Variants in SDK2 observed in about 807,000 individuals in gnomAD.
SDK2 encodes the protein protein sidekick-2.
SDK2 carries 105 observed loss-of-function variants against 253.9 expected under a neutral mutation model. The observed-to-expected ratio is 0.41, with a 90% confidence interval of 0.35 to 0.49. The LOEUF is 0.49. SDK2 is among the 20% of genes least tolerant of loss of function. SDK2 has a pLI of 0.06. For synonymous variants in SDK2, 1,249 were observed against 1,234.9 expected (o/e 1.01, Z -0.24); for missense variants, 2,608 against 3,003.0 (o/e 0.87, Z 3.07).
Position 73,361,650 on chromosome 17 carries a change from T to C in SDK2, c.5467+34A>G. On this transcript the variant is annotated intron_variant, in intron 39 of 44. Transcript: ENST00000392650. The surrounding 1 kb of genome is among the most constrained non-coding windows in gnomAD (Gnocchi z 4.1). ...TCTGACTGGGGACGCTGAACCGCCG[T>C]GTGGAAGACATGCCTGGTCCGTTGC... The C allele has an allele frequency of 6.3e-7, 1 of 1,594,384 alleles. No homozygotes were observed. Among genetic ancestry groups the C allele is most frequent in the Non-Finnish European group, 8.6e-7 (1 of 1,164,006 alleles).
rs936316547 is a variant in SDK2, at chr17:73,616,435, G to A, written c.64+27590C>T. 2.0e-5 allele frequency among the ~76,000 whole-genome samples: 3 copies of A among 152,014 alleles called. No individual in the cohort carries two copies. Among genetic ancestry groups the A allele is most frequent in the East Asian group, 1.9e-4 (1 of 5,174 alleles). ...AGCAACGGTGATTTCCTTTCACTTGGGCAGGCTGACCGTGGCCTCAAGGAC... is the reference window on the plus strand; with the variant it reads ...AGCAACGGTGATTTCCTTTCACTTGAGCAGGCTGACCGTGGCCTCAAGGAC... On this transcript the variant is annotated intron_variant, in intron 1 of 44. Transcript: ENST00000392650. The surrounding 1 kb of genome is among the most constrained non-coding windows in gnomAD (Gnocchi z 5.2).
At chr17:73,582,227 CCACGCAGG>C (rs2045545131) in intron 1 of SDK2, among the ~76,000 whole-genome samples, 1 of 131,394 alleles carries the variant, frequency 7.6e-6, no homozygotes, top group African/African-American at 3.0e-5. Flanking sequence ...GGGGCGCACA[CCACGCAGG>C]CATCAGCATT....
At chr17:73,407,171 G>A (rs543937717) in intron 18 of SDK2, among the ~76,000 whole-genome samples, 1 of 152,336 alleles carries the variant, frequency 6.6e-6, no homozygotes, top group East Asian at 1.9e-4. Context: ...TGCTAAAACT[G>A]TGGTATCTAA....
intron 2 of SDK2, chr17:73,504,236 AAGTGTGTGTGT>A (rs780615892): frequency 0.31 from 28,057 of 91,160 alleles, 2,410 homozygotes; most frequent in East Asian, 0.35. Context: ...GAGAGAGAGA[AAGTGTGTGTGT>A]GTGTGTGTGT....
Position 73,414,751 on chromosome 17 carries a change from C to T in SDK2, c.2377G>A (p.Val793Ile). The T allele has an allele frequency of 6.2e-7, 1 of 1,612,790 alleles. No homozygotes were observed. The highest frequency in any genetic ancestry group is 1.1e-5 in the South Asian group (1 of 91,042). Residue 793 changes from valine (V) to isoleucine (I), a missense_variant, in exon 18 of 45, where the codon GTC becomes ATC. Val to Ile is a conservative substitution (Grantham distance 29). Coordinates refer to ENST00000392650, the MANE Select transcript of SDK2 (RefSeq NM_001144952.2). ...TEWTLQGVPTVPPGNVHAEAT... is the reference protein window; with the variant it reads ...TEWTLQGVPTIPPGNVHAEAT... ...TCCGCGTGCACATTGCCCGGAGGGA[C>T]CGTGGGAACTAGAGGAGATGAGAGA...
intron 1 of SDK2, among the ~76,000 whole-genome samples, chr17:73,523,328 C>T: frequency 6.6e-6 from 1 of 151,784 alleles, no homozygotes; most frequent in Non-Finnish European, 1.5e-5. Flanking sequence ...CTGTGGAATG[C>T]TCTTCATGGA....
At position 73,390,487 on chromosome 17, in the gene SDK2, G is replaced by A; in HGVS notation, c.3998-6C>T. ...CCGGTGTGTGATCTGGTAAGCTGTG[G>A]GAAGGAAGCACATGGCTATTATGGC... On this transcript the variant is annotated splice_region_variant and splice_polypyrimidine_tract_variant and intron_variant, in intron 28 of 44. Coordinates refer to ENST00000392650, the MANE Select transcript of SDK2 (RefSeq NM_001144952.2). 1 of 1,606,718 alleles carries A rather than the reference G, an allele frequency of 6.2e-7. No homozygotes were observed. The highest frequency in any genetic ancestry group is 8.5e-7 in the Non-Finnish European group (1 of 1,175,382).
chr17:73,430,523 C>G lies in SDK2; in HGVS notation c.1571G>C (p.Arg524Pro). The G allele has an allele frequency of 1.2e-6, 2 of 1,607,524 alleles. No individual in the cohort carries two copies. The highest frequency in any genetic ancestry group is 2.2e-5 in the South Asian group (2 of 89,984). Reference protein sequence around the residue: ...SMVCGVTHDPRVTIRYIWEKD... With the variant: ...SMVCGVTHDPPVTIRYIWEKD... ...GCAGAGCCAGTACCTGATGGTTACTCGGGGGTCGTGGGTCACTCCGCACAC... is the reference window on the plus strand; with the variant it reads ...GCAGAGCCAGTACCTGATGGTTACTGGGGGGTCGTGGGTCACTCCGCACAC... Residue 524 changes from arginine to proline, a missense_variant, in exon 12 of 45, where the codon CGA becomes CCA. Physicochemically the swap from Arg to Pro is moderately radical, Grantham distance 103. Transcript: ENST00000392650.
Position 73,535,442 on chromosome 17 carries a change from G to A in SDK2, c.65-27845C>T, listed in dbSNP as rs182096121. ...GGTGTGCATCTGCTGGGTGAATGGC[G>A]GGGTGGGGCATTCTGCAGTCCGGCT... On this transcript the variant is annotated intron_variant, in intron 1 of 44. Transcript: ENST00000392650. Among the ~76,000 whole-genome samples, 7 of 152,322 alleles carry A rather than the reference G, an allele frequency of 4.6e-5. No individual in the cohort carries two copies. In the East Asian group the frequency reaches 9.6e-4, roughly 21 times the overall value.
At chr17:73,625,060 C>T (rs767567998) in intron 1 of SDK2, among the ~76,000 whole-genome samples, 1 of 152,132 alleles carries the variant, frequency 6.6e-6, no homozygotes. Flanking sequence ...GGTAGCTTGC[C>T]GAGGTCCCAT....
intron 29 of SDK2, among the ~76,000 whole-genome samples, chr17:73,389,221 TAGCCC>T (rs760363832): frequency 1.3e-4 from 19 of 142,642 alleles, no homozygotes; most frequent in Admixed American, 3.6e-4. Context: ...TCTTGCTCTG[TAGCCC>T]AGGCTGGAGT....
At chr17:73,482,961 A>G (rs2063735906) in intron 2 of SDK2, among the ~76,000 whole-genome samples, 3 of 152,156 alleles carry the variant, frequency 2.0e-5, no homozygotes, top group Admixed American at 6.5e-5. Context: ...TCCTCTTCCC[A>G]TTTTACAGCC....
intron 1 of SDK2, among the ~76,000 whole-genome samples, chr17:73,577,924 G>C (rs138282601): frequency 2.6e-5 from 4 of 152,176 alleles, no homozygotes; most frequent in Non-Finnish European, 1.5e-5. Flanking sequence ...TGTAACATGA[G>C]GGTCCTGAAA....
chr17:73,431,524 G>A lies in SDK2; in HGVS notation c.1458C>T (p.Ala486=). The A allele has an allele frequency of 6.8e-6, 11 of 1,613,532 alleles. No individual in the cohort carries two copies. The highest frequency in any genetic ancestry group is 9.3e-6 in the Non-Finnish European group (11 of 1,179,712). ...LATNSRGVDE[A]SADLVVWART... ...CACCCCAAACGACTAGGTCTGCTGA[G>A]GCCTCATCGACCCCCCGAGAGTTGG... Residue 486 remains alanine (A), a synonymous_variant, in exon 11 of 45, where the codon GCC becomes GCT. Coordinates refer to ENST00000392650, the MANE Select transcript of SDK2 (RefSeq NM_001144952.2). This position sits in a 1 kb window ranked among gnomAD's most constrained non-coding sequence, Gnocchi z 5.6.
At chr17:73,542,160 C>T (rs1174535239) in intron 1 of SDK2, among the ~76,000 whole-genome samples, 1 of 152,260 alleles carries the variant, frequency 6.6e-6, no homozygotes, top group African/African-American at 2.4e-5. Flanking sequence ...GCGCTGGCCC[C>T]AAGTCCCTCT....
chr17:73,350,987 G>A (rs987280353), intron 41 of SDK2, among the ~76,000 whole-genome samples, 197 bp from the exon 42 acceptor site: 1 of 152,192 alleles, frequency 6.6e-6, no homozygotes, highest in Non-Finnish European at 1.5e-5. Context: ...GCTGCCTGGA[G>A]GGCTGATGTC....
At chr17:73,514,864 C>T (rs906447228) in intron 1 of SDK2, among the ~76,000 whole-genome samples, 1 of 152,154 alleles carries the variant, frequency 6.6e-6, no homozygotes, top group African/African-American at 2.4e-5. Context: ...CTGATTACCA[C>T]GGCCTCTTAA....
At chr17:73,595,897 G>A (rs2045751068) in intron 1 of SDK2, among the ~76,000 whole-genome samples, 1 of 151,792 alleles carries the variant, frequency 6.6e-6, no homozygotes, top group East Asian at 1.9e-4. Context: ...CTGCCTAGAA[G>A]CAGCCATCAA....
chr17:73,595,828 G>A (rs766500489), intron 1 of SDK2, among the ~76,000 whole-genome samples: 3 of 152,326 alleles, frequency 2.0e-5, no homozygotes, highest in Non-Finnish European at 2.9e-5. Flanking sequence ...AGGCAGCCAG[G>A]GGGGCTGAGA....
Sources: allele counts gnomAD v4.1 joint callset (sites outside exome capture counted in the v4.1 genomes callset), GRCh38; gene constraint gnomAD v4.1.1; non-coding constraint Gnocchi (gnomAD v3.1); transcripts MANE v1.5; gene names NCBI Gene and HGNC (gene_info 2026-07-23, HGNC 2026-07-21).